Variants in ZW10 observed in about 807,000 individuals in gnomAD.
The protein encoded by ZW10 is zw10 kinetochore protein.
ZW10 carries 53 observed loss-of-function variants against 87.8 expected under a neutral mutation model. The ratio of observed to expected loss-of-function variants is 0.60; its 90% CI spans 0.48 to 0.76. The LOEUF (loss-of-function observed/expected upper bound fraction) is 0.76. Ranked by LOEUF, ZW10 falls within the 30% of genes least tolerant of loss-of-function variation. The probability of loss-of-function intolerance (pLI) is 0.00; values close to 1 mark genes in which losing one functional copy is unlikely to be tolerated. For missense variants in ZW10, 837 were observed against 923.0 expected, an observed-to-expected ratio of 0.91 and a Z score of 1.21; for synonymous variants, 312 against 329.2, an observed-to-expected ratio of 0.95 and a Z score of 0.57.
At chr11:113,761,304 G>A (rs1953857720) in intron 2 of ZW10, among the ~76,000 whole-genome samples, 1 of 152,130 alleles carries the variant, frequency 6.6e-6, no homozygotes, top group South Asian at 2.1e-4. Flanking sequence ...TTGAAACAGG[G>A]TCTCACTCTG....
intron 5 of ZW10, 80 bp downstream of exon 5, chr11:113,760,129 T>C (rs1006023585): frequency 6.7e-7 from 1 of 1,485,488 alleles, no homozygotes. Flanking sequence ...CATCTACTAA[T>C]ACAAAAATGT....
chr11:113,764,204 T>G (rs1003450145), intron 2 of ZW10, among the ~76,000 whole-genome samples: 1 of 152,218 alleles, frequency 6.6e-6, no homozygotes, highest in Non-Finnish European at 1.5e-5. Context: ...GCCTCTGTTC[T>G]GCTCCATTGG....
chr11:113,745,095 T>TA (rs34212662), intron 9 of ZW10, among the ~76,000 whole-genome samples: 2,015 of 145,692 alleles, frequency 0.014, 38 homozygotes, highest in African/African-American at 0.045. Context: ...CTCCCCTTAT[T>TA]AAAAAAAAAA....
intron 15 of ZW10, among the ~76,000 whole-genome samples, chr11:113,735,300 C>A (rs973929502): frequency 6.6e-6 from 1 of 152,144 alleles, no homozygotes; most frequent in Non-Finnish European, 1.5e-5. Flanking sequence ...AGCCCTTTAA[C>A]AACAGAAAGA....
intron 11 of ZW10, among the ~76,000 whole-genome samples, chr11:113,740,147 C>T: frequency 6.6e-6 from 1 of 151,798 alleles, no homozygotes; most frequent in East Asian, 1.9e-4. Context: ...TAAGATAGTC[C>T]TCTTTTCCAG....
At chr11:113,742,636 T>C (rs577427176) in intron 10 of ZW10, among the ~76,000 whole-genome samples, 10 of 152,198 alleles carry the variant, frequency 6.6e-5, no homozygotes, top group Non-Finnish European at 1.0e-4. Flanking sequence ...GTTTGGTGTT[T>C]TGTGTTCCCA....
At chr11:113,765,403 C>G (rs1251922586) in intron 2 of ZW10, among the ~76,000 whole-genome samples, 2 of 152,182 alleles carry the variant, frequency 1.3e-5, no homozygotes, top group African/African-American at 4.8e-5. Context: ...TGTCTAAGAT[C>G]CTACCAATGG....
intron 1 of ZW10, 60 bp from the exon 2 acceptor site, chr11:113,769,027 G>A (rs1953935896): frequency 6.5e-7 from 1 of 1,544,242 alleles, no homozygotes; most frequent in East Asian, 2.3e-5. Flanking sequence ...ACTCTAATAA[G>A]AATATATTCA....
chr11:113,736,482 G>A (rs1391764662), intron 15 of ZW10, 138 bp downstream of exon 15: 1 of 779,428 alleles, frequency 1.3e-6, no homozygotes, highest in Non-Finnish European at 2.2e-6. Context: ...TCATGAAAAG[G>A]CCCCAGCTAC....
intron 9 of ZW10, 151 bp from the exon 10 acceptor site, chr11:113,744,191 T>C (rs1953655946): frequency 1.6e-6 from 1 of 636,804 alleles, no homozygotes; most frequent in East Asian, 2.8e-5. Context: ...ATCGAGACCA[T>C]CCTGGCTAAC....
intron 2 of ZW10, among the ~76,000 whole-genome samples, chr11:113,763,186 G>C (rs747191806): frequency 7.9e-5 from 12 of 152,156 alleles, no homozygotes; most frequent in Non-Finnish European, 1.3e-4. Context: ...TCCCTACAAA[G>C]GACATGCTCT....
chr11:113,753,986 C>T (rs558244742), intron 7 of ZW10, among the ~76,000 whole-genome samples: 11 of 152,246 alleles, frequency 7.2e-5, no homozygotes, highest in South Asian at 2.1e-4. Flanking sequence ...CTAAGATAAC[C>T]GACAAAGGTC....
intron 12 of ZW10, 144 bp downstream of exon 12, chr11:113,739,069 C>A: frequency 1.2e-6 from 1 of 856,288 alleles, no homozygotes; most frequent in African/African-American, 1.8e-5. Context: ...ACTGGAAACA[C>A]TTGCAAATTA....
At chr11:113,753,596 G>A (rs1184552486) in intron 7 of ZW10, among the ~76,000 whole-genome samples, 2 of 152,126 alleles carry the variant, frequency 1.3e-5, no homozygotes, top group Non-Finnish European at 2.9e-5. Flanking sequence ...AGTAGAGACA[G>A]GGTTTCACCA....
At chr11:113,738,106 A>G (rs981380010) in intron 13 of ZW10, among the ~76,000 whole-genome samples, 158 bp downstream of exon 13, 5 of 152,116 alleles carry the variant, frequency 3.3e-5, no homozygotes, top group African/African-American at 1.2e-4. Flanking sequence ...AAAAGTTCTT[A>G]AACATGATTG....
At chr11:113,771,708 C>G (rs1235536373) in intron 1 of ZW10, 1 of 152,094 alleles carries the variant, frequency 6.6e-6, no homozygotes, top group East Asian at 1.9e-4. Context: ...CACTCCGTCC[C>G]TCGGGCTGGA....
rs191341142 is a variant in ZW10 at position 113,746,923 on chromosome 11, G to T, written c.1272+608C>A. ...ACTGGGTCTTCTCTAAATAAGATGG[G>T]AAGACACTGGACTTTCTGCAGAAGA... On this transcript the variant is annotated intron_variant, in intron 9 of 15. Coordinates refer to ENST00000200135, the MANE Select transcript of ZW10 (RefSeq NM_004724.4). Among the ~76,000 whole-genome samples, 15 of 152,002 alleles carry T rather than the reference G, an allele frequency of 9.9e-5. No individual in the cohort carries two copies. In the East Asian group the frequency reaches 2.9e-3, roughly 29 times the overall value.
At chr11:113,737,384 C>T (rs908208432) in intron 14 of ZW10, among the ~76,000 whole-genome samples, 188 bp downstream of exon 14, 3 of 151,650 alleles carry the variant, frequency 2.0e-5, no homozygotes, top group Non-Finnish European at 2.9e-5. Flanking sequence ...TAGTTCAATC[C>T]TACTTTCATA....
intron 2 of ZW10, among the ~76,000 whole-genome samples, chr11:113,764,068 T>C (rs1360648580): frequency 6.6e-6 from 1 of 152,266 alleles, no homozygotes; most frequent in Non-Finnish European, 1.5e-5. Flanking sequence ...AGTTTCAGTT[T>C]TCTGCATATG....
Sources: allele counts gnomAD v4.1 joint callset (sites outside exome capture counted in the v4.1 genomes callset), GRCh38; gene constraint gnomAD v4.1.1; transcripts MANE v1.5; gene names NCBI Gene and HGNC (gene_info 2026-07-23, HGNC 2026-07-21).